Variants in APBA1 observed in about 807,000 individuals in gnomAD.
APBA1 encodes the protein amyloid-beta A4 precursor protein-binding family A member 1.
Under a neutral mutation model 86.6 loss-of-function variants are expected in APBA1, and 55 were observed. That is an observed-to-expected ratio of 0.64 (90% CI 0.51 to 0.80). The LOEUF is 0.80. Ranked by LOEUF, APBA1 falls within the 30% of genes least tolerant of loss-of-function variation. The pLI is 0.00. For missense variants in APBA1, 1,090 were observed against 1,183.0 expected (o/e 0.92, Z 1.15); for synonymous variants, 511 against 493.9 (o/e 1.03, Z -0.46).
intron 1 of APBA1, among the ~76,000 whole-genome samples, chr9:69,550,966 T>C (rs1836775282): frequency 6.6e-6 from 1 of 152,156 alleles, no homozygotes; most frequent in Non-Finnish European, 1.5e-5. Flanking sequence ...AATATATAAG[T>C]AAATATACAT....
chr9:69,624,141 A>C (rs1377329833), intron 1 of APBA1, among the ~76,000 whole-genome samples: 1 of 152,210 alleles, frequency 6.6e-6, no homozygotes. Flanking sequence ...AGTTTGGGAC[A>C]GCTTTCAGTG....
intron 2 of APBA1, among the ~76,000 whole-genome samples, chr9:69,511,041 G>A (rs960125792): frequency 1.1e-4 from 16 of 151,706 alleles, no homozygotes; most frequent in Middle Eastern, 6.8e-3. Context: ...AACACCAAAA[G>A]CAATGGCAAC....
Position 69,431,360 on chromosome 9 carries a change from C to A in APBA1, c.2481G>T (p.Leu827=). 1 of 1,612,966 alleles carries A rather than the reference C, an allele frequency of 6.2e-7. No individual in the cohort carries two copies. ...MKTMPAAMYR[L]LTAQEQPVYI ...AAACAGGCTGCTCCTGGGCCGTCAG[C>A]AGCCTGTACATCGCGGCTGGCATTG... Residue 827 remains leucine (L), a synonymous_variant, in exon 13 of 13, where the codon CTG becomes CTT. Transcript: ENST00000265381.
At chr9:69,639,719 CA>C in intron 1 of APBA1, among the ~76,000 whole-genome samples, 1 of 152,152 alleles carries the variant, frequency 6.6e-6, no homozygotes. Flanking sequence ...AAGAAAGAAT[CA>C]AACATTTACT....
intron 3 of APBA1, among the ~76,000 whole-genome samples, chr9:69,472,194 G>A (rs903054116): frequency 2.0e-5 from 3 of 152,134 alleles, no homozygotes; most frequent in African/African-American, 4.8e-5. Flanking sequence ...ATTTATTTTA[G>A]TTGAAAAACT....
At chr9:69,435,428 G>A (rs577980933) in intron 11 of APBA1, among the ~76,000 whole-genome samples, 9 of 151,208 alleles carry the variant, frequency 6.0e-5, no homozygotes, top group Non-Finnish European at 1.0e-4. Flanking sequence ...AAAAGTGTTC[G>A]TATTTCTCCA....
At chr9:69,606,476 T>C (rs1822474254) in intron 1 of APBA1, among the ~76,000 whole-genome samples, 1 of 129,996 alleles carries the variant, frequency 7.7e-6, no homozygotes, top group South Asian at 2.5e-4. Flanking sequence ...GTGAGGGAGC[T>C]AGCTTTTTTT....
At chr9:69,496,468 G>T (rs1036265599) in intron 2 of APBA1, among the ~76,000 whole-genome samples, 4 of 152,070 alleles carry the variant, frequency 2.6e-5, no homozygotes, top group African/African-American at 9.7e-5. Flanking sequence ...AGTTTGCTGT[G>T]CTGTGGACAA....
chr9:69,625,611 G>A (rs550023773), intron 1 of APBA1, among the ~76,000 whole-genome samples: 1 of 152,158 alleles, frequency 6.6e-6, no homozygotes, highest in Non-Finnish European at 1.5e-5. Flanking sequence ...ATTAGGCTTA[G>A]AGATATGCCA....
intron 1 of APBA1, among the ~76,000 whole-genome samples, chr9:69,670,107 T>C (rs950769690): frequency 3.3e-5 from 5 of 152,224 alleles, no homozygotes; most frequent in Non-Finnish European, 7.3e-5. Context: ...AAATCTTGGA[T>C]GACAGCCAAC....
intron 2 of APBA1, among the ~76,000 whole-genome samples, chr9:69,492,246 C>T (rs936656485): frequency 1.6e-4 from 24 of 152,070 alleles, no homozygotes; most frequent in African/African-American, 5.3e-4. Context: ...AATGGGGAAA[C>T]AGCTAGCACC....
chr9:69,601,693 C>G (rs1255269353), intron 1 of APBA1, among the ~76,000 whole-genome samples: 1 of 152,158 alleles, frequency 6.6e-6, no homozygotes, highest in African/African-American at 2.4e-5. Context: ...ACCGAGACTG[C>G]CTGTGACAGA....
chr9:69,522,735 T>A (rs1836273611), intron 1 of APBA1, among the ~76,000 whole-genome samples: 1 of 152,172 alleles, frequency 6.6e-6, no homozygotes, highest in Admixed American at 6.5e-5. Context: ...GGTTCTGGAT[T>A]TCATGAGCTA....
In APBA1 at chr9:69,428,900, ATCT is replaced by A. The variant is rs1380410157; in HGVS notation, c.*2424_*2426del. 3.3e-5 allele frequency: 5 copies of A among 152,250 alleles called. No homozygotes were observed. The highest frequency in any genetic ancestry group is 7.3e-5 in the Non-Finnish European group (5 of 68,038). The allele number at this position is 152,250 out of a possible 1,614,324, so 9.4% of individuals were successfully genotyped here. A position where few individuals can be genotyped will look rare whatever the true frequency, so the allele number is the denominator to read the frequency against. The stretch of plus-strand genomic sequence containing the variant: ...TAACACAAAAGAATGTGGCAGAGAA[ATCT>A]TCTCACTCTAATGTTACAATGTCAG... On this transcript the variant is annotated 3_prime_UTR_variant, in exon 13 of 13. Transcript: ENST00000265381.
intron 1 of APBA1, among the ~76,000 whole-genome samples, chr9:69,582,283 C>CGCTCATAA (rs1309956971): frequency 6.6e-6 from 1 of 152,090 alleles, no homozygotes; most frequent in African/African-American, 2.4e-5. Context: ...GTGGGAGGCT[C>CGCTCATAA]GCTCATAAGT....
chr9:69,668,173 A>C (rs950224477), intron 1 of APBA1, among the ~76,000 whole-genome samples: 1 of 152,116 alleles, frequency 6.6e-6, no homozygotes, highest in Non-Finnish European at 1.5e-5. Flanking sequence ...ATCGCTCCTA[A>C]GCAGATGACC....
At chr9:69,651,874 AT>A (rs1469539558) in intron 1 of APBA1, among the ~76,000 whole-genome samples, 1 of 152,246 alleles carries the variant, frequency 6.6e-6, no homozygotes, top group Non-Finnish European at 1.5e-5. Context: ...CAAACCAAAT[AT>A]TAAGTCTCCC....
At chr9:69,447,258 ATACTT>A (rs932566119) in intron 10 of APBA1, among the ~76,000 whole-genome samples, 4 of 152,028 alleles carry the variant, frequency 2.6e-5, no homozygotes, top group Admixed American at 6.5e-5. Context: ...ATATTACTCA[ATACTT>A]TACTTAACCC....
chr9:69,600,926 A>T (rs1354265373), intron 1 of APBA1, among the ~76,000 whole-genome samples: 1 of 151,876 alleles, frequency 6.6e-6, no homozygotes, highest in African/African-American at 2.4e-5. Flanking sequence ...AATATAAATA[A>T]ACAGCATAAC....
Sources: allele counts gnomAD v4.1 joint callset (sites outside exome capture counted in the v4.1 genomes callset), GRCh38; gene constraint gnomAD v4.1.1; transcripts MANE v1.5; gene names NCBI Gene and HGNC (gene_info 2026-07-23, HGNC 2026-07-21).